NTN1: variants seen among roughly 807,000 people sequenced by gnomAD.
The protein encoded by NTN1 is netrin-1.
NTN1 carries 11 observed loss-of-function variants against 54.2 expected under a neutral mutation model. That is an observed-to-expected ratio of 0.20 (90% CI 0.13 to 0.34). NTN1 has a LOEUF of 0.34. NTN1 is among the 10% of genes least tolerant of loss of function. The pLI, the probability that NTN1 is intolerant of heterozygous loss-of-function variation, is 1.00. For missense variants in NTN1, 740 were observed against 893.1 expected, an observed-to-expected ratio of 0.83 and a Z score of 2.18; for synonymous variants, 371 against 382.0, an observed-to-expected ratio of 0.97 and a Z score of 0.33.
At chr17:9,233,093 A>T (rs1404445980) in intron 6 of NTN1, among the ~76,000 whole-genome samples, 1 of 151,780 alleles carries the variant, frequency 6.6e-6, no homozygotes, top group Non-Finnish European at 1.5e-5. Context: ...GAGGCTGACC[A>T]CCTCAGCCTC....
chr17:9,150,468 G>A (rs1205899037), intron 2 of NTN1, among the ~76,000 whole-genome samples: 1 of 152,252 alleles, frequency 6.6e-6, no homozygotes, highest in Non-Finnish European at 1.5e-5. Flanking sequence ...CCCGAAGGAG[G>A]TGGCAGAGAG....
At chr17:9,213,605 T>A (rs902509044) in intron 5 of NTN1, among the ~76,000 whole-genome samples, 3 of 152,246 alleles carry the variant, frequency 2.0e-5, no homozygotes, top group Non-Finnish European at 2.9e-5. Context: ...ATGCCAGCTT[T>A]TATATTAAGG....
chr17:9,210,027 C>A (rs1176451164), intron 5 of NTN1, among the ~76,000 whole-genome samples: 1 of 152,076 alleles, frequency 6.6e-6, no homozygotes, highest in African/African-American at 2.4e-5. Context: ...GGCCAGGCCC[C>A]TGGGGTGGCT....
intron 2 of NTN1, among the ~76,000 whole-genome samples, chr17:9,149,034 C>T (rs1296979750): frequency 1.3e-5 from 2 of 152,098 alleles, no homozygotes; most frequent in African/African-American, 2.4e-5. Context: ...ATTAAGCCTC[C>T]CTTGCACCAG....
At position 9,086,453 on chromosome 17, in the gene NTN1, T is replaced by C. The variant is rs8065570; in HGVS notation, c.1018+63062T>C. Among the ~76,000 whole-genome samples, 1,010 of 152,258 alleles carry C rather than the reference T, an allele frequency of 6.6e-3. 12 individuals are homozygous for C. Among genetic ancestry groups the C allele is most frequent in the African/African-American group, 0.023 (970 of 41,546 alleles). The stretch of plus-strand genomic sequence containing the variant: ...GATTGAAATACAGTGGAGAGAACCA[T>C]AGGGTTCCTGACCTCAAGGCACTCA... On this transcript the variant is annotated intron_variant, in intron 2 of 6. Coordinates refer to ENST00000173229, the MANE Select transcript of NTN1 (RefSeq NM_004822.3).
chr17:9,058,637 C>CAAA (rs3053457), intron 2 of NTN1, among the ~76,000 whole-genome samples: 148 of 58,858 alleles, frequency 2.5e-3, no homozygotes, highest in African/African-American at 4.1e-3. Context: ...GGTAGGCACT[C>CAAA]AAAAAAAAAA....
At chr17:9,065,460 C>T (rs1028116336) in intron 2 of NTN1, among the ~76,000 whole-genome samples, 1 of 152,196 alleles carries the variant, frequency 6.6e-6, no homozygotes, top group African/African-American at 2.4e-5. Context: ...CTTGCTGAGA[C>T]AGGCTTTTCC....
At chr17:9,206,526 C>A (rs1904973114) in intron 5 of NTN1, among the ~76,000 whole-genome samples, 1 of 152,086 alleles carries the variant, frequency 6.6e-6, no homozygotes, top group Non-Finnish European at 1.5e-5. Context: ...GGCAGGCTTG[C>A]CCCCTCCCAG....
rs1051643472 is a variant in NTN1, at chr17:9,022,593, C to G, written c.220C>G (p.Pro74Ala). Residue 74 changes from proline to alanine, a missense_variant, in exon 2 of 7, where the codon CCG becomes GCG. Pro to Ala is a conservative substitution (Grantham distance 27). Transcript: ENST00000173229. ...CGTGTCCAGCACCTGCGGCCGGCCC[C>G]CGGCGCGCTACTGCGTGGTGAGCGA... is the stretch of plus-strand genomic sequence containing the variant. ...VRVSSTCGRP[P>A]ARYCVVSERG... 55 of 1,546,246 alleles carry G rather than the reference C, an allele frequency of 3.6e-5. No individual in the cohort carries two copies. Among genetic ancestry groups the G allele is most frequent in the Non-Finnish European group, 4.3e-5 (49 of 1,146,058 alleles).
chr17:9,119,887 G>A (rs1367148141), intron 2 of NTN1, among the ~76,000 whole-genome samples: 1 of 152,058 alleles, frequency 6.6e-6, no homozygotes, highest in Non-Finnish European at 1.5e-5. Flanking sequence ...TAATGATGTT[G>A]AGCATCTTTT....
At chr17:9,014,299 C>T in the NTN1 span, among the ~76,000 whole-genome samples, 2 of 152,306 alleles carry the variant, frequency 1.3e-5, no homozygotes, top group Admixed American at 6.5e-5. Flanking sequence ...AAATGAAAGA[C>T]TGTCCCTCGT....
chr17:9,195,926 G>A (rs1019324232), intron 5 of NTN1, among the ~76,000 whole-genome samples: 17 of 152,036 alleles, frequency 1.1e-4, no homozygotes, highest in Admixed American at 1.0e-3. Flanking sequence ...GAGATCATGG[G>A]TTTTGAGTAT....
intron 2 of NTN1, among the ~76,000 whole-genome samples, chr17:9,117,902 T>G (rs959910425): frequency 2.0e-5 from 3 of 151,692 alleles, no homozygotes; most frequent in African/African-American, 7.3e-5. Flanking sequence ...GGCTGAGAGG[T>G]ACCATCTGCC....
At chr17:9,112,977 A>C (rs1011915705) in intron 2 of NTN1, among the ~76,000 whole-genome samples, 2 of 152,006 alleles carry the variant, frequency 1.3e-5, no homozygotes, top group African/African-American at 4.8e-5. Flanking sequence ...TTTTGGCTGT[A>C]AGTTCAGTGC....
At chr17:9,127,401 GGTTT>G (rs2092251094) in intron 2 of NTN1, among the ~76,000 whole-genome samples, 1 of 152,158 alleles carries the variant, frequency 6.6e-6, no homozygotes, top group Non-Finnish European at 1.5e-5. Context: ...CCTTCTCAAG[GGTTT>G]GTGTGACTGA....
chr17:9,129,571 A>T (rs1454334456), intron 2 of NTN1, among the ~76,000 whole-genome samples: 2 of 152,240 alleles, frequency 1.3e-5, no homozygotes, highest in Admixed American at 1.3e-4. Context: ...TCATAAGGAA[A>T]GTATAAATGA....
Position 9,239,309 on chromosome 17 carries a change from C to G in NTN1, c.1487-331C>G, listed in dbSNP as rs1906103555. Among the ~76,000 whole-genome samples, 1 of 152,234 alleles carries G rather than the reference C, an allele frequency of 6.6e-6. No individual in the cohort carries two copies. Among genetic ancestry groups the G allele is most frequent in the Non-Finnish European group, 1.5e-5 (1 of 68,046 alleles). On this transcript the variant is annotated intron_variant, in intron 6 of 6. Transcript: ENST00000173229. The surrounding 1 kb of genome is among the most constrained non-coding windows in gnomAD (Gnocchi z 5.2). ...CACTGCTCTCACCCGAGCGCCTGCC[C>G]TGGGCAGACAGCTTGCCCAGAGTGC... is the stretch of plus-strand genomic sequence containing the variant.
intron 2 of NTN1, among the ~76,000 whole-genome samples, chr17:9,082,353 G>A (rs770679058): frequency 1.3e-5 from 2 of 152,150 alleles, no homozygotes; most frequent in African/African-American, 2.4e-5. Context: ...GAGCCTCCAC[G>A]CCTGGCCAGC....
the NTN1 span, among the ~76,000 whole-genome samples, chr17:9,004,678 G>C: frequency 2.3e-3 from 356 of 152,338 alleles, no homozygotes; most frequent in African/African-American, 8.2e-3. Context: ...CAGTGGGTAG[G>C]GCTGGCTCGG....
Sources: allele counts gnomAD v4.1 joint callset (sites outside exome capture counted in the v4.1 genomes callset), GRCh38; gene constraint gnomAD v4.1.1; non-coding constraint Gnocchi (gnomAD v3.1); transcripts MANE v1.5; gene names NCBI Gene and HGNC (gene_info 2026-07-23, HGNC 2026-07-21).